Variants in PSORS1C1 observed in about 807,000 individuals in gnomAD.
The protein encoded by PSORS1C1 is psoriasis susceptibility 1 candidate 1.
A neutral mutation model predicts 9.4 loss-of-function variants in PSORS1C1; 7 were observed. The observed-to-expected ratio is 0.75, with a 90% CI of 0.42 to 1.40. The LOEUF (loss-of-function observed/expected upper bound fraction) is 1.40. Ranked by LOEUF, PSORS1C1 falls within the 40% of genes most tolerant of loss-of-function variation. PSORS1C1 has a pLI of 0.01. For missense variants in PSORS1C1, 146 were observed against 178.1 expected (o/e 0.82, Z 1.02); for synonymous variants, 63 against 69.4 (o/e 0.91, Z 0.46).
Position 31,136,868 on chromosome 6 carries a change from T to C in PSORS1C1, c.14-1562T>C, listed in dbSNP as rs565411153. 9.2e-5 allele frequency among the ~76,000 whole-genome samples: 14 copies of C among 152,258 alleles called. No homozygotes were observed. The South Asian group carries it at 2.9e-3, about 32-fold the overall frequency. The stretch of plus-strand genomic sequence containing the variant: ...TCCTAATAGTCAAAAACATAAGTGT[T>C]GGCCGGGCACGGTGGCTCACGCCTG... On this transcript the variant is annotated intron_variant, in intron 3 of 5. Coordinates refer to ENST00000259881, the MANE Select transcript of PSORS1C1 (RefSeq NM_014068.3).
intron 1 of PSORS1C1, among the ~76,000 whole-genome samples, chr6:31,123,027 G>T (rs544682660): frequency 2.6e-5 from 4 of 152,196 alleles, no homozygotes; most frequent in Non-Finnish European, 4.4e-5. Flanking sequence ...CCCCTGACCA[G>T]CCAGAGGTAG....
At chr6:31,129,173 TC>T (rs1562766108) in intron 2 of PSORS1C1, among the ~76,000 whole-genome samples, 1 of 148,940 alleles carries the variant, frequency 6.7e-6, no homozygotes, top group Non-Finnish European at 1.5e-5. Context: ...AGTTCTAGGT[TC>T]TTTTTTTTTC....
At chr6:31,120,537 G>C in intron 1 of PSORS1C1, 1 of 926,748 alleles carries the variant, frequency 1.1e-6, no homozygotes, top group Non-Finnish European at 1.7e-6. Flanking sequence ...GGTGGAGGGG[G>C]TGGGTGCCCC....
intron 1 of PSORS1C1, among the ~76,000 whole-genome samples, chr6:31,124,639 C>T (rs1299200067): frequency 2.0e-5 from 3 of 152,134 alleles, no homozygotes; most frequent in Non-Finnish European, 4.4e-5. Context: ...GTGCAAAATT[C>T]CTTATGTATA....
chr6:31,138,786 G>GCC lies in PSORS1C1; in HGVS notation c.167+8_167+9dup. 6.2e-7 allele frequency: 1 copy of GCC among 1,614,090 alleles called. No homozygotes were observed. The highest frequency in any genetic ancestry group is 8.5e-7 in the Non-Finnish European group (1 of 1,180,028). On this transcript the variant is annotated splice_region_variant and intron_variant, in intron 5 of 5. Transcript: ENST00000259881. ...AGCCAGCAAACCATTTCTGGTGAGA[G>GCC]CCAAATGCACCTTCTGCACCATGTC...
Position 31,139,804 on chromosome 6 carries a change from C to A in PSORS1C1, c.331C>A (p.Leu111Ile). ...AATGGCTCCGGAAGAAGCTGCCAGG[C>A]TCCAGCAACCTCAGCCCCTTCCTCC... ...LPMAPEEAAR[L>I]QQPQPLPPPS... Residue 111 changes from leucine to isoleucine, a missense_variant, in exon 6 of 6, where the codon CTC (leucine) becomes ATC (isoleucine). Physicochemically the swap from Leu to Ile is conservative, Grantham distance 5. Transcript: ENST00000259881. This position sits in a 1 kb window ranked among gnomAD's most constrained non-coding sequence, Gnocchi z 5.2. 1 of 1,613,116 alleles carries A rather than the reference C, an allele frequency of 6.2e-7. No individual in the cohort carries two copies. Among genetic ancestry groups the A allele is most frequent in the South Asian group, 1.1e-5 (1 of 91,084 alleles).
intron 1 of PSORS1C1, chr6:31,117,269 T>C (rs1374100530): frequency 6.2e-7 from 1 of 1,607,362 alleles, no homozygotes; most frequent in Non-Finnish European, 8.5e-7. Context: ...GAGGAGTAGC[T>C]GACCTGGGAA....
chr6:31,117,102 C>T (rs933523073), intron 1 of PSORS1C1: 1 of 1,614,190 alleles, frequency 6.2e-7, no homozygotes, highest in African/African-American at 1.3e-5. Flanking sequence ...CAGAGCCATT[C>T]CCTACTTGGA....
intron 3 of PSORS1C1, 188 bp from the exon 4 acceptor site, chr6:31,138,242 G>A: frequency 6.4e-7 from 1 of 1,567,826 alleles, no homozygotes; most frequent in Non-Finnish European, 8.6e-7. Context: ...GCAATGTTGG[G>A]GAGCCTGCCT....
chr6:31,116,582 T>TG (rs1016125289), intron 1 of PSORS1C1: 2 of 1,613,568 alleles, frequency 1.2e-6, no homozygotes, highest in African/African-American at 1.3e-5. Context: ...CCCTCAGAGA[T>TG]GGGGGGCCCA....
rs183197184 is a variant in PSORS1C1 at position 31,125,022 on chromosome 6, C to T, written c.-228-654C>T. Among the ~76,000 whole-genome samples, 9 of 151,972 alleles carry T rather than the reference C, an allele frequency of 5.9e-5. No homozygotes were observed. In the East Asian group the frequency reaches 1.5e-3, roughly 26 times the overall value. On this transcript the variant is annotated intron_variant, in intron 1 of 5. Transcript: ENST00000259881. ...AAGGTTACTGGCTCATGAGGTCCCT[C>T]CTCCACAGCTTTCCTCCTCTGGGGG...
At chr6:31,119,504 AT>A (rs1772348740) in intron 1 of PSORS1C1, among the ~76,000 whole-genome samples, 1 of 152,218 alleles carries the variant, frequency 6.6e-6, no homozygotes, top group Non-Finnish European at 1.5e-5. Flanking sequence ...CTTCTAATGC[AT>A]GATCTTGAGC....
rs200462624 is a variant in PSORS1C1, at chr6:31,124,401, AG to A, written c.-228-1272del. Among the ~76,000 whole-genome samples the A allele has an allele frequency of 2.6e-5, 4 of 152,316 alleles. No individual in the cohort carries two copies. The East Asian group carries it at 7.7e-4, about 29-fold the overall frequency. On this transcript the variant is annotated intron_variant, in intron 1 of 5. Coordinates refer to ENST00000259881, the MANE Select transcript of PSORS1C1 (RefSeq NM_014068.3). ...TGTTCAATCTTCACAACAGCCCTAC[AG>A]GGTAAGTGCTTTTTCCCCCTGTTTC...
rs1772018371 is a variant in PSORS1C1 at position 31,114,876 on chromosome 6, G to A, written c.-244G>A. 1 of 455,546 alleles carries A rather than the reference G, an allele frequency of 2.2e-6. No homozygotes were observed. The highest frequency in any genetic ancestry group is 4.4e-6 in the Non-Finnish European group (1 of 226,632). 28.2% of individuals were successfully genotyped at this position (455,546 alleles called of 1,614,324 possible). A position where few individuals can be genotyped will look rare whatever the true frequency, so the allele number is the denominator to read the frequency against. Reference sequence around the variant, plus strand: ...AATCGAGACTCATGACTCCCAGAGAGGATGGCATCTAGAAGGTGAGGAATG... The same window carrying A: ...AATCGAGACTCATGACTCCCAGAGAAGATGGCATCTAGAAGGTGAGGAATG... On this transcript the variant is annotated 5_prime_UTR_variant, in exon 1 of 6. Transcript: ENST00000259881.
intron 3 of PSORS1C1, among the ~76,000 whole-genome samples, chr6:31,132,734 A>G (rs2150972474): frequency 6.6e-6 from 1 of 152,192 alleles, no homozygotes; most frequent in Non-Finnish European, 1.5e-5. Flanking sequence ...CTATAGTACC[A>G]GCTACTCAGA....
intron 3 of PSORS1C1, among the ~76,000 whole-genome samples, chr6:31,131,217 A>AT (rs1002609235): frequency 1.3e-5 from 2 of 152,114 alleles, no homozygotes; most frequent in African/African-American, 4.8e-5. Context: ...TCATTAAATA[A>AT]TTTAGCCTTT....
chr6:31,133,165 G>A (rs3823418), intron 3 of PSORS1C1, among the ~76,000 whole-genome samples: 34,572 of 151,870 alleles, frequency 0.23, 4,671 homozygotes, highest in African/African-American at 0.37. Flanking sequence ...ATGGTAAAGG[G>A]GTTCAAGAAG....
chr6:31,138,667 C>A lies in PSORS1C1; in HGVS notation c.55C>A (p.Pro19Thr). The A allele has an allele frequency of 6.2e-7, 1 of 1,613,260 alleles. No individual in the cohort carries two copies. Among genetic ancestry groups the A allele is most frequent in the Admixed American group, 1.7e-5 (1 of 60,014 alleles). The part of the protein sequence containing the change: ...HSQRALGTQT[P>T]ALQGPQLLNT... ...ACCTTGGCCCCCAGGCACACAGACC[C>A]CAGCTTTACAAGGACCCCAGCTCCT... The change falls in exon 5 of 6, where the codon CCA (proline) becomes ACA (threonine). Residue 19 changes from proline to threonine, a missense_variant. Pro to Thr is a conservative substitution (Grantham distance 38). Transcript: ENST00000259881.
At chr6:31,132,082 CA>C (rs35469868) in intron 3 of PSORS1C1, among the ~76,000 whole-genome samples, 9,982 of 151,994 alleles carry the variant, frequency 0.066, 406 homozygotes, top group South Asian at 0.18. Context: ...CCAATCTCTA[CA>C]AAAAAAATTA....
Sources: gnomAD v4.1 joint callset for allele counts (sites outside exome capture counted in the v4.1 genomes callset) on GRCh38, gnomAD v4.1.1 for gene constraint, Gnocchi (gnomAD v3.1) non-coding constraint, MANE v1.5 for transcripts, NCBI Gene and HGNC (gene_info 2026-07-23, HGNC 2026-07-21) for gene names.